GABBR2: variants seen among roughly 807,000 people sequenced by gnomAD.
GABBR2 encodes G-protein coupled receptor 51.
A neutral mutation model predicts 105.6 loss-of-function variants in GABBR2; 23 were observed. That is an observed-to-expected ratio of 0.22 (90% CI 0.16 to 0.31). GABBR2 has a LOEUF of 0.31. GABBR2 is among the 10% of genes least tolerant of loss of function. The pLI, the probability that GABBR2 is intolerant of heterozygous loss-of-function variation, is 1.00. For synonymous variants in GABBR2, 478 were observed against 499.7 expected (o/e 0.96, Z 0.58); for missense variants, 734 against 1,245.5 (o/e 0.59, Z 6.18).
At chr9:98,691,718 C>CA (rs1800015752) in intron 1 of GABBR2, among the ~76,000 whole-genome samples, 1 of 152,220 alleles carries the variant, frequency 6.6e-6, no homozygotes, top group South Asian at 2.1e-4. Context: ...ATTATCCCCT[C>CA]AAAGTCCTAC....
At chr9:98,702,093 C>T (rs1401295360) in intron 1 of GABBR2, among the ~76,000 whole-genome samples, 1 of 152,062 alleles carries the variant, frequency 6.6e-6, no homozygotes, top group Non-Finnish European at 1.5e-5. Context: ...GCAAACAGAC[C>T]TCCCCAAGGT....
chr9:98,607,071 A>G, intron 1 of GABBR2: 1 of 1,476,356 alleles, frequency 6.8e-7, no homozygotes. Context: ...AAAATCAGTT[A>G]AGAGATCTGG....
chr9:98,486,985 G>A (rs924290336), intron 4 of GABBR2, among the ~76,000 whole-genome samples: 2 of 152,104 alleles, frequency 1.3e-5, no homozygotes, highest in African/African-American at 2.4e-5. Context: ...CACTCTGTCC[G>A]TAAAGGCAGT....
chr9:98,694,949 T>C (rs913885420), intron 1 of GABBR2, among the ~76,000 whole-genome samples: 38 of 152,298 alleles, frequency 2.5e-4, no homozygotes, highest in Middle Eastern at 3.4e-3. Flanking sequence ...ACCTAAAAGA[T>C]TTGTCTCTGG....
At chr9:98,383,802 G>A (rs1360092987) in intron 11 of GABBR2, among the ~76,000 whole-genome samples, 1 of 152,152 alleles carries the variant, frequency 6.6e-6, no homozygotes, top group Non-Finnish European at 1.5e-5. Flanking sequence ...TAAGATCTTG[G>A]GGGGCTTCCC....
intron 7 of GABBR2, 49 bp downstream of exon 7, chr9:98,453,932 A>G (rs1369887840): frequency 1.6e-6 from 2 of 1,254,674 alleles, no homozygotes; most frequent in Non-Finnish European, 2.3e-6. Flanking sequence ...TTTGCTTTGC[A>G]TGTTTACAAG....
chr9:98,324,270 G>A (rs1294937305), intron 13 of GABBR2, among the ~76,000 whole-genome samples: 1 of 152,158 alleles, frequency 6.6e-6, no homozygotes, highest in Non-Finnish European at 1.5e-5. Flanking sequence ...CTACATCTTA[G>A]ATTTTACAGT....
chr9:98,425,414 T>C (rs1043409169), intron 7 of GABBR2, among the ~76,000 whole-genome samples: 23 of 152,212 alleles, frequency 1.5e-4, no homozygotes, highest in African/African-American at 5.3e-4. Flanking sequence ...GGTCTGTGCT[T>C]GGTACACATG....
chr9:98,288,701 C>G lies in GABBR2; in HGVS notation c.*1883G>C, dbSNP rs1229290224. On this transcript the variant is annotated 3_prime_UTR_variant, in exon 19 of 19. Transcript: ENST00000259455. ...ACAACACCGATTTTTAGTGCCTAAACAGAGAATGACTTCAACTTGACCTGT... is the reference window on the plus strand; with the variant it reads ...ACAACACCGATTTTTAGTGCCTAAAGAGAGAATGACTTCAACTTGACCTGT... The G allele has an allele frequency of 6.6e-6, 1 of 152,592 alleles. No individual in the cohort carries two copies. The highest frequency in any genetic ancestry group is 1.5e-5 in the Non-Finnish European group (1 of 68,038). The allele number at this position is 152,592 out of a possible 1,614,324, so 9.5% of individuals were successfully genotyped here.
At chr9:98,483,167 G>A (rs1348417837) in intron 4 of GABBR2, among the ~76,000 whole-genome samples, 1 of 152,042 alleles carries the variant, frequency 6.6e-6, no homozygotes, top group Non-Finnish European at 1.5e-5. Flanking sequence ...TTCTGACAAT[G>A]TCAGGAACTT....
At chr9:98,632,222 G>A (rs1399580288) in intron 1 of GABBR2, among the ~76,000 whole-genome samples, 1 of 152,204 alleles carries the variant, frequency 6.6e-6, no homozygotes, top group Non-Finnish European at 1.5e-5. Flanking sequence ...AGTTATAGCT[G>A]TGTGACTTTA....
intron 10 of GABBR2, among the ~76,000 whole-genome samples, chr9:98,387,918 A>G (rs913985726): frequency 6.6e-6 from 1 of 152,210 alleles, no homozygotes; most frequent in Non-Finnish European, 1.5e-5. Flanking sequence ...TTTTCTTCAG[A>G]ATCAGACTTG....
At chr9:98,467,128 A>G (rs970379364) in intron 6 of GABBR2, among the ~76,000 whole-genome samples, 39 of 152,314 alleles carry the variant, frequency 2.6e-4, no homozygotes, top group Admixed American at 2.4e-3. Flanking sequence ...CATATCTAGC[A>G]TGGAAGGCTG....
intron 8 of GABBR2, among the ~76,000 whole-genome samples, chr9:98,404,374 C>A (rs561130237): frequency 1.3e-5 from 2 of 152,312 alleles, no homozygotes; most frequent in East Asian, 3.9e-4. Context: ...ATGGGTATGT[C>A]TACAAGATTG....
At chr9:98,484,445 C>A (rs950014089) in intron 4 of GABBR2, among the ~76,000 whole-genome samples, 18 of 152,272 alleles carry the variant, frequency 1.2e-4, no homozygotes, top group African/African-American at 4.1e-4. Flanking sequence ...GTCATGCCTG[C>A]TGCAGGAAGC....
At position 98,672,809 on chromosome 9, in the gene GABBR2, C is replaced by A. The variant is rs1830422880; in HGVS notation, c.321+35608G>T. Among the ~76,000 whole-genome samples, 3 of 152,214 alleles carry A rather than the reference C, an allele frequency of 2.0e-5. No homozygotes were observed. In the South Asian group the frequency reaches 6.2e-4, roughly 32 times the overall value. On this transcript the variant is annotated intron_variant, in intron 1 of 18. Coordinates refer to ENST00000259455, the MANE Select transcript of GABBR2 (RefSeq NM_005458.8). ...TTAATAATTTCGGGCACTTGATATT[C>A]CTTCATGACACAAAAGTTGGTCACG... is the stretch of plus-strand genomic sequence containing the variant.
intron 4 of GABBR2, among the ~76,000 whole-genome samples, chr9:98,487,315 T>G (rs1241371062): frequency 6.6e-6 from 1 of 151,960 alleles, no homozygotes. Flanking sequence ...TCTCATCAGG[T>G]CTCTCCTATC....
intron 13 of GABBR2, among the ~76,000 whole-genome samples, chr9:98,348,866 T>C (rs920944673): frequency 5.9e-5 from 9 of 152,208 alleles, no homozygotes; most frequent in African/African-American, 1.7e-4. Flanking sequence ...TCATATCATC[T>C]GCAAAGAGGA....
chr9:98,566,040 G>A (rs1462364779), intron 2 of GABBR2, among the ~76,000 whole-genome samples: 1 of 152,172 alleles, frequency 6.6e-6, no homozygotes, highest in Non-Finnish European at 1.5e-5. Context: ...TCCCACCCAT[G>A]GCTGTGCCTC....
Sources: gnomAD v4.1 joint callset for allele counts (sites outside exome capture counted in the v4.1 genomes callset) on GRCh38, gnomAD v4.1.1 for gene constraint, MANE v1.5 for transcripts, NCBI Gene and HGNC (gene_info 2026-07-23, HGNC 2026-07-21) for gene names.